MYO5B: variants seen among roughly 807,000 people sequenced by gnomAD.
The protein encoded by MYO5B is unconventional myosin-Vb.
A neutral mutation model predicts 229.3 loss-of-function variants in MYO5B; 143 were observed. That is an observed-to-expected ratio of 0.62 (90% CI 0.54 to 0.72). The LOEUF (loss-of-function observed/expected upper bound fraction) is 0.72, where lower values mean the gene tolerates loss of function less well. Ranked by LOEUF, MYO5B falls within the 30% of genes least tolerant of loss-of-function variation. The pLI is 0.00. For synonymous variants in MYO5B, 918 were observed against 885.2 expected (o/e 1.04, Z -0.66); for missense variants, 2,321 against 2,331.0 (o/e 1.00, Z 0.09).
intron 1 of MYO5B, among the ~76,000 whole-genome samples, chr18:50,147,497 C>A (rs1195626989): frequency 6.6e-6 from 1 of 152,202 alleles, no homozygotes; most frequent in Non-Finnish European, 1.5e-5. Flanking sequence ...AAGAAATTCA[C>A]TCATTCATTC....
intron 27 of MYO5B, among the ~76,000 whole-genome samples, chr18:49,867,176 G>A (rs1253700732): frequency 6.6e-6 from 1 of 152,214 alleles, no homozygotes; most frequent in Non-Finnish European, 1.5e-5. Flanking sequence ...GGAGTATAAC[G>A]TGGCATGGCC....
chr18:49,859,557 C>T (rs947147160), intron 29 of MYO5B, among the ~76,000 whole-genome samples: 1 of 152,158 alleles, frequency 6.6e-6, no homozygotes, highest in Admixed American at 6.5e-5. Context: ...TCCCTGGGAC[C>T]TCTGGGAAAT....
intron 2 of MYO5B, among the ~76,000 whole-genome samples, chr18:50,045,317 G>A (rs2030193442): frequency 6.6e-6 from 1 of 152,176 alleles, no homozygotes; most frequent in Non-Finnish European, 1.5e-5. Context: ...ACAGCTGTTT[G>A]CAAACAGAAG....
At chr18:49,835,546 C>A (rs1568602315) in intron 38 of MYO5B, 122 bp from the exon 39 acceptor site, 2 of 720,806 alleles carry the variant, frequency 2.8e-6, no homozygotes, top group Non-Finnish European at 5.1e-6. Context: ...GCCCACAACA[C>A]AGATGGAGCT....
chr18:49,841,400 G>A lies in MYO5B; in HGVS notation c.4666C>T (p.Leu1556Phe), dbSNP rs752503224. The A allele has an allele frequency of 6.2e-7, 1 of 1,614,110 alleles. No individual in the cohort carries two copies. Among genetic ancestry groups the A allele is most frequent in the East Asian group, 2.2e-5 (1 of 44,902 alleles). ...TSFWLSNTCR[L>F]LHCLKQYSGD... Reference sequence around the variant, plus strand: ...CTGTACTGCTTCAGACAGTGAAGAAGGCGGCAGGTGTTGGATAACCAGAAT... The same window carrying A: ...CTGTACTGCTTCAGACAGTGAAGAAAGCGGCAGGTGTTGGATAACCAGAAT... The change falls in exon 35 of 40, where the codon CTT (leucine) becomes TTT (phenylalanine). Residue 1556 changes from leucine (L) to phenylalanine (F), a missense_variant. Physicochemically the swap from Leu to Phe is conservative, Grantham distance 22. Around this residue, in one of 2 missense-constraint regions of MYO5B, gnomAD observed 2,113 missense variants for 2,044.7 expected, o/e 1.03. Transcript: ENST00000285039.
chr18:50,039,838 C>CA (rs2029957253), intron 3 of MYO5B, among the ~76,000 whole-genome samples: 1 of 152,032 alleles, frequency 6.6e-6, no homozygotes, highest in Non-Finnish European at 1.5e-5. Context: ...AGCAGGCGCC[C>CA]AGCTCAGACA....
intron 31 of MYO5B, among the ~76,000 whole-genome samples, chr18:49,852,341 G>T (rs1266530205): frequency 1.3e-5 from 2 of 152,222 alleles, no homozygotes; most frequent in East Asian, 3.8e-4. Flanking sequence ...GGCCAGGTAG[G>T]TTTCTTTAAC....
chr18:50,022,408 A>G (rs2026285848), intron 4 of MYO5B, among the ~76,000 whole-genome samples: 1 of 152,218 alleles, frequency 6.6e-6, no homozygotes. Context: ...ATATTTTTGA[A>G]ATACATTAAT....
intron 1 of MYO5B, among the ~76,000 whole-genome samples, chr18:50,193,005 G>A (rs2033249324): frequency 6.6e-6 from 1 of 152,068 alleles, no homozygotes; most frequent in African/African-American, 2.4e-5. Flanking sequence ...ATATTCAGTT[G>A]AGTCACTCCT....
rs551772640 is a variant in MYO5B at position 50,137,808 on chromosome 18, T to C, written c.27+56959A>G. Among the ~76,000 whole-genome samples, 34 of 152,192 alleles carry C rather than the reference T, an allele frequency of 2.2e-4. 1 individual carries two copies. The South Asian group carries it at 7.1e-3, about 32-fold the overall frequency. The stretch of plus-strand genomic sequence containing the variant: ...ATGGAATACTATGCAGCTATGAAAA[T>C]TGAGATCACGTCTTTTGCAGGAACA... On this transcript the variant is annotated intron_variant, in intron 1 of 39. Transcript: ENST00000285039.
At chr18:50,123,178 C>A (rs1479879471) in intron 1 of MYO5B, among the ~76,000 whole-genome samples, 2 of 152,154 alleles carry the variant, frequency 1.3e-5, no homozygotes, top group African/African-American at 2.4e-5. Flanking sequence ...TCAAAGAAGT[C>A]AGGCACAAAA....
chr18:49,937,104 C>A (rs930431366), intron 15 of MYO5B, 141 bp downstream of exon 15: 20 of 1,024,368 alleles, frequency 2.0e-5, no homozygotes, highest in Non-Finnish European at 3.0e-5. Flanking sequence ...TCTAAGGACA[C>A]AAGATAGAGC....
At chr18:50,120,998 C>T (rs937094633) in intron 1 of MYO5B, among the ~76,000 whole-genome samples, 6 of 152,206 alleles carry the variant, frequency 3.9e-5, no homozygotes, top group African/African-American at 1.2e-4. Flanking sequence ...TCAGCAAGAC[C>T]AGCAACTTAC....
At chr18:50,005,844 C>T (rs1464282391) in intron 4 of MYO5B, among the ~76,000 whole-genome samples, 1 of 152,178 alleles carries the variant, frequency 6.6e-6, no homozygotes, top group Non-Finnish European at 1.5e-5. Flanking sequence ...AATATATATG[C>T]TTCTATGCAG....
intron 12 of MYO5B, among the ~76,000 whole-genome samples, chr18:49,959,088 G>T (rs1026367923): frequency 1.3e-5 from 2 of 152,050 alleles, no homozygotes; most frequent in Non-Finnish European, 2.9e-5. Flanking sequence ...AGACAAATCA[G>T]ATCACTTCAA....
At chr18:49,978,116 G>A (rs1260390675) in intron 9 of MYO5B, among the ~76,000 whole-genome samples, 2 of 152,108 alleles carry the variant, frequency 1.3e-5, no homozygotes, top group African/African-American at 2.4e-5. Flanking sequence ...CAGAGAAAGG[G>A]CTGCCACACC....
At chr18:50,073,713 C>T (rs1301526309) in intron 1 of MYO5B, among the ~76,000 whole-genome samples, 1 of 152,068 alleles carries the variant, frequency 6.6e-6, no homozygotes, top group Non-Finnish European at 1.5e-5. Flanking sequence ...TTTTAAAAGC[C>T]AAAATTGAGC....
intron 22 of MYO5B, among the ~76,000 whole-genome samples, chr18:49,892,110 A>T (rs1479995367): frequency 6.6e-6 from 1 of 152,242 alleles, no homozygotes; most frequent in African/African-American, 2.4e-5. Flanking sequence ...TTCACCAAAC[A>T]GAGCAGCCAT....
At chr18:50,189,952 T>G (rs116679972) in intron 1 of MYO5B, among the ~76,000 whole-genome samples, 6,518 of 152,240 alleles carry the variant, frequency 0.043, 165 homozygotes, top group Non-Finnish European at 0.055. Context: ...ATACATATGG[T>G]GTGTCTGCCA....
Sources: allele counts gnomAD v4.1 joint callset (sites outside exome capture counted in the v4.1 genomes callset), GRCh38; gene constraint gnomAD v4.1.1; regional missense constraint gnomAD v4.1.1; transcripts MANE v1.5; gene names NCBI Gene and HGNC (gene_info 2026-07-23, HGNC 2026-07-21).